The following ADAM12 variants were observed in gnomAD, a reference collection of about 807,000 sequenced individuals.
The protein encoded by ADAM12 is disintegrin and metalloproteinase domain-containing protein 12.
A neutral mutation model predicts 106.4 loss-of-function variants in ADAM12; 70 were observed. The ratio of observed to expected loss-of-function variants is 0.66; its 90% CI spans 0.54 to 0.80. The LOEUF is 0.80. Ranked by LOEUF, ADAM12 falls within the 30% of genes least tolerant of loss-of-function variation. The pLI, the probability that ADAM12 is intolerant of heterozygous loss-of-function variation, is 0.00. For synonymous variants in ADAM12, 420 were observed against 433.5 expected (o/e 0.97, Z 0.39); for missense variants, 1,010 against 1,171.9 (o/e 0.86, Z 2.02).
At chr10:126,274,211 G>A (rs561738579) in intron 3 of ADAM12, among the ~76,000 whole-genome samples, 29 of 152,322 alleles carry the variant, frequency 1.9e-4, no homozygotes, top group Admixed American at 1.7e-3. Context: ...AAGGAAAGAA[G>A]CATCCAATGG....
chr10:126,031,761 T>G (rs1953975121), intron 21 of ADAM12, among the ~76,000 whole-genome samples: 2 of 152,202 alleles, frequency 1.3e-5, no homozygotes, highest in African/African-American at 2.4e-5. Flanking sequence ...AGTTGTTGAT[T>G]AGGAGAAATG....
At chr10:126,152,883 C>T (rs991439324) in intron 4 of ADAM12, among the ~76,000 whole-genome samples, 5 of 152,148 alleles carry the variant, frequency 3.3e-5, no homozygotes, top group African/African-American at 7.2e-5. Context: ...GTCTATTATT[C>T]TCCAGTACAA....
At chr10:126,363,855 A>G (rs1308966392) in intron 1 of ADAM12, among the ~76,000 whole-genome samples, 1 of 152,232 alleles carries the variant, frequency 6.6e-6, no homozygotes, top group Non-Finnish European at 1.5e-5. Flanking sequence ...TTGTATAAAC[A>G]GAGAACTAAG....
At chr10:126,126,481 C>T (rs964830989) in intron 5 of ADAM12, among the ~76,000 whole-genome samples, 9 of 152,016 alleles carry the variant, frequency 5.9e-5, no homozygotes, top group East Asian at 1.9e-4. Flanking sequence ...GCAGTTTGCA[C>T]GTGACCAGTA....
chr10:126,331,469 T>C (rs1043601520), intron 1 of ADAM12, among the ~76,000 whole-genome samples: 1 of 152,206 alleles, frequency 6.6e-6, no homozygotes, highest in Non-Finnish European at 1.5e-5. Context: ...CATTTTACAG[T>C]TCCCCAAATA....
At chr10:126,275,408 C>T (rs1470982002) in intron 3 of ADAM12, among the ~76,000 whole-genome samples, 1 of 152,052 alleles carries the variant, frequency 6.6e-6, no homozygotes, top group Non-Finnish European at 1.5e-5. Context: ...GAACAGCATC[C>T]AATCTTTTCA....
chr10:126,121,013 TAATA>T (rs1470475247), intron 5 of ADAM12, among the ~76,000 whole-genome samples: 4 of 114,222 alleles, frequency 3.5e-5, no homozygotes, highest in Non-Finnish European at 6.6e-5. Context: ...ATATGCAATA[TAATA>T]TATATTATAT....
At chr10:126,023,268 G>A (rs992408345) in intron 21 of ADAM12, among the ~76,000 whole-genome samples, 1 of 152,080 alleles carries the variant, frequency 6.6e-6, no homozygotes, top group East Asian at 1.9e-4. Context: ...CATGGAACTC[G>A]CCAAAGTTGA....
At chr10:126,225,161 A>G (rs1195086312) in intron 3 of ADAM12, among the ~76,000 whole-genome samples, 6 of 152,190 alleles carry the variant, frequency 3.9e-5, no homozygotes. Context: ...AACATTCCTG[A>G]CCATTTGTAC....
At chr10:126,114,629 G>A (rs1296925795) in intron 6 of ADAM12, among the ~76,000 whole-genome samples, 3 of 152,160 alleles carry the variant, frequency 2.0e-5, no homozygotes, top group Non-Finnish European at 2.9e-5. Flanking sequence ...ACAGGTGCCT[G>A]CCACTACGCC....
intron 3 of ADAM12, among the ~76,000 whole-genome samples, chr10:126,183,323 C>T (rs973404884): frequency 6.6e-6 from 1 of 152,154 alleles, no homozygotes; most frequent in Non-Finnish European, 1.5e-5. Context: ...CCCCTCAACC[C>T]CATTCCATGG....
intron 3 of ADAM12, among the ~76,000 whole-genome samples, chr10:126,197,941 C>T (rs565149569): frequency 3.9e-5 from 6 of 152,106 alleles, no homozygotes; most frequent in East Asian, 1.9e-4. Context: ...ACATCACCTC[C>T]GTGAACTGCA....
chr10:126,239,237 A>G (rs539380222), intron 3 of ADAM12, among the ~76,000 whole-genome samples: 1 of 152,366 alleles, frequency 6.6e-6, no homozygotes, highest in South Asian at 2.1e-4. Flanking sequence ...CAGGTGGGAT[A>G]TGTAACCTAC....
intron 11 of ADAM12, among the ~76,000 whole-genome samples, chr10:126,086,859 C>T (rs1430670322): frequency 6.7e-6 from 1 of 149,588 alleles, no homozygotes; most frequent in Non-Finnish European, 1.5e-5. Flanking sequence ...CATGGTGAAA[C>T]CCTGTCTCTA....
Position 126,134,896 on chromosome 10 carries a change from AC to A in ADAM12, c.416+687del, listed in dbSNP as rs1353761893. Among the ~76,000 whole-genome samples the A allele has an allele frequency of 2.0e-5, 3 of 152,042 alleles. No individual in the cohort carries two copies. The South Asian group carries it at 6.3e-4, about 32-fold the overall frequency. ...CTCTGAGGTTACAAACATTTAGTTCACAAATTCGATAAGCAAATCCAGTAAA... is the reference window on the plus strand; with the variant it reads ...CTCTGAGGTTACAAACATTTAGTTCAAAATTCGATAAGCAAATCCAGTAAA... On this transcript the variant is annotated intron_variant, in intron 5 of 22. Coordinates refer to ENST00000448723, the MANE Select transcript of ADAM12 (RefSeq NM_001288973.2).
At chr10:126,274,495 G>T (rs1412084133) in intron 3 of ADAM12, among the ~76,000 whole-genome samples, 1 of 152,124 alleles carries the variant, frequency 6.6e-6, no homozygotes, top group Non-Finnish European at 1.5e-5. Context: ...CCCAAGCACA[G>T]GATTTTACAT....
intron 2 of ADAM12, among the ~76,000 whole-genome samples, chr10:126,289,869 C>G (rs1960067691): frequency 1.3e-5 from 2 of 152,172 alleles, no homozygotes. Context: ...TAACAAAACG[C>G]TTTTCCTATC....
At chr10:126,052,684 G>A (rs926127537) in intron 14 of ADAM12, among the ~76,000 whole-genome samples, 13 of 152,224 alleles carry the variant, frequency 8.5e-5, no homozygotes, top group Admixed American at 5.9e-4. Flanking sequence ...GAGAGAGGAC[G>A]AGAAAGAGAC....
chr10:126,114,502 C>T (rs554201063), intron 6 of ADAM12, among the ~76,000 whole-genome samples: 12 of 152,128 alleles, frequency 7.9e-5, no homozygotes, highest in Admixed American at 3.9e-4. Flanking sequence ...TGTTTTGAGA[C>T]GAGTTTCACT....
Sources: allele counts gnomAD v4.1 joint callset (sites outside exome capture counted in the v4.1 genomes callset), GRCh38; gene constraint gnomAD v4.1.1; transcripts MANE v1.5; gene names NCBI Gene and HGNC (gene_info 2026-07-23, HGNC 2026-07-21).